ZNF45: variants seen among roughly 807,000 people sequenced by gnomAD.
ZNF45 encodes zinc finger protein 45.
ZNF45 carries 4 observed loss-of-function variants against 12.0 expected under a neutral mutation model. That is an observed-to-expected ratio of 0.33 (90% CI 0.16 to 0.76). The LOEUF (loss-of-function observed/expected upper bound fraction) is 0.76. Ranked by LOEUF, ZNF45 falls within the 30% of genes least tolerant of loss-of-function variation. The probability of loss-of-function intolerance (pLI) is 0.60; values close to 1 mark genes in which losing one functional copy is unlikely to be tolerated. For synonymous variants in ZNF45, 272 were observed against 279.6 expected (o/e 0.97, Z 0.27); for missense variants, 700 against 813.0 (o/e 0.86, Z 1.69).
rs141989682 is a variant in ZNF45, at chr19:43,918,948, G to T, written c.157C>A (p.Pro53Thr). ...CTCTCTAACTGTGGTAGGCCATCTG[G>T]TGTGGACTGATGCCCTGTGAAAAGG... ...NVVSVGHQSTPDGLPQLEREE... is the reference protein window; with the variant it reads ...NVVSVGHQSTTDGLPQLEREE... Residue 53 changes from proline to threonine, a missense_variant, in exon 9 of 10, where the codon CCA becomes ACA. Pro to Thr is a conservative substitution (Grantham distance 38). Transcript: ENST00000269973. The T allele has an allele frequency of 6.2e-6, 10 of 1,614,032 alleles. No homozygotes were observed. The highest frequency in any genetic ancestry group is 7.6e-6 in the Non-Finnish European group (9 of 1,179,982).
intron 2 of ZNF45, among the ~76,000 whole-genome samples, 158 bp downstream of exon 2, chr19:43,934,268 C>T (rs1974352101): frequency 6.6e-6 from 1 of 152,138 alleles, no homozygotes; most frequent in Admixed American, 6.5e-5. Flanking sequence ...AACACAAGGC[C>T]TTTGTGAAGG....
intron 3 of ZNF45, among the ~76,000 whole-genome samples, chr19:43,929,579 G>A (rs1973960279): frequency 6.6e-6 from 1 of 152,162 alleles, no homozygotes; most frequent in South Asian, 2.1e-4. Flanking sequence ...GTGGTGTGAT[G>A]TACCAGTGGA....
At chr19:43,931,550 T>C (rs1241581120) in intron 3 of ZNF45, among the ~76,000 whole-genome samples, 8 of 131,236 alleles carry the variant, frequency 6.1e-5, no homozygotes, top group Non-Finnish European at 8.5e-5. Flanking sequence ...AAAAAATGTA[T>C]ACATATATAT....
rs561470425 is a variant in ZNF45 at position 43,921,375 on chromosome 19, A to G, written c.15+796T>C. On this transcript the variant is annotated intron_variant, in intron 7 of 9. Coordinates refer to ENST00000269973, the MANE Select transcript of ZNF45 (RefSeq NM_003425.4). The stretch of plus-strand genomic sequence containing the variant: ...TTAAGTACATTATTACTTCAATAAA[A>G]TAAGTTAACATAAGAGTAAAAGAAT... 2.0e-4 allele frequency among the ~76,000 whole-genome samples: 30 copies of G among 152,346 alleles called. 1 individual carries two copies. In the South Asian group the frequency reaches 6.2e-3, roughly 32 times the overall value.
At chr19:43,929,547 A>G (rs1374868547) in intron 3 of ZNF45, among the ~76,000 whole-genome samples, 1 of 152,162 alleles carries the variant, frequency 6.6e-6, no homozygotes, top group African/African-American at 2.4e-5. Context: ...CCTTGCCTGT[A>G]GTGGGCTTCA....
In ZNF45 at chr19:43,914,143, A is replaced by G. The variant is rs1599759776; in HGVS notation, c.1293T>C (p.Phe431=). 1 of 1,613,770 alleles carries G rather than the reference A, an allele frequency of 6.2e-7. No individual in the cohort carries two copies. The highest frequency in any genetic ancestry group is 1.3e-5 in the African/African-American group (1 of 74,858). The change falls in exon 10 of 10, where the codon TTT becomes TTC. Residue 431 remains phenylalanine (F), a synonymous_variant. Transcript: ENST00000269973. ...CTGTATGGACTCTAAAATGAATGTT[A>G]AAATCTGAGCTACGACTGAAGCCCT... ...CGKGFSRSSD[F]NIHFRVHTGE...
intron 7 of ZNF45, among the ~76,000 whole-genome samples, chr19:43,921,869 C>T (rs1301268267): frequency 6.6e-6 from 1 of 152,168 alleles, no homozygotes; most frequent in Non-Finnish European, 1.5e-5. Context: ...GTTATGAATA[C>T]ATCTGAGGAA....
chr19:43,916,189 T>C (rs558705750), intron 9 of ZNF45, among the ~76,000 whole-genome samples: 10 of 152,188 alleles, frequency 6.6e-5, no homozygotes, highest in East Asian at 3.9e-4. Context: ...AAACATGGCT[T>C]GCTGCAGCCT....
intron 9 of ZNF45, among the ~76,000 whole-genome samples, chr19:43,916,591 G>C (rs1972697155): frequency 6.6e-6 from 1 of 152,068 alleles, no homozygotes; most frequent in Non-Finnish European, 1.5e-5. Flanking sequence ...TGCCATCCAT[G>C]AGAACGAGCA....
chr19:43,933,781 T>TTA, intron 2 of ZNF45, among the ~76,000 whole-genome samples: 1 of 152,336 alleles, frequency 6.6e-6, no homozygotes, highest in South Asian at 2.1e-4. Context: ...TATCCTAGTA[T>TTA]TAAGGAAATT....
rs1265583888 is a variant in ZNF45 at position 43,935,196 on chromosome 19, T to A, written c.-1028A>T. On this transcript the variant is annotated 5_prime_UTR_variant, in exon 1 of 10. Transcript: ENST00000269973. The stretch of plus-strand genomic sequence containing the variant: ...GATCCTACGACCAAACCATAAAAGT[T>A]AAAACAGGTCGCGGGGTCCCAGGAC... 6.6e-6 allele frequency: 1 copy of A among 152,182 alleles called. No individual in the cohort carries two copies. The highest frequency in any genetic ancestry group is 1.9e-4 in the East Asian group (1 of 5,188). The allele number at this position is 152,182 out of a possible 1,614,324, so 9.4% of individuals were successfully genotyped here.
Position 43,914,734 on chromosome 19 carries a change from A to C in ZNF45, c.702T>G (p.His234Gln), listed in dbSNP as rs1446386079. ...ASYRSFSQRS[H>Q]LPHHQRVPTG... is the part of the protein sequence containing the mutation. ...TGGGAACTCTCTGATGATGGGGAAG[A>C]TGTGACCTCTGACTAAAACTCCTGT... The change falls in exon 10 of 10, where the codon CAT (histidine) becomes CAG (glutamine). Residue 234 changes from histidine to glutamine, a missense_variant. By Grantham distance (24) the His-to-Gln change is conservative. Coordinates refer to ENST00000269973, the MANE Select transcript of ZNF45 (RefSeq NM_003425.4). 1.2e-6 allele frequency: 2 copies of C among 1,614,174 alleles called. No homozygotes were observed. The highest frequency in any genetic ancestry group is 2.2e-5 in the South Asian group (2 of 91,088).
chr19:43,917,478 A>G (rs1254606828), intron 9 of ZNF45, among the ~76,000 whole-genome samples: 1 of 140,728 alleles, frequency 7.1e-6, no homozygotes, highest in Non-Finnish European at 1.6e-5. Context: ...GCAAGTTTTC[A>G]CTTTTATTTT....
intron 7 of ZNF45, among the ~76,000 whole-genome samples, chr19:43,920,418 T>C (rs894432168): frequency 6.6e-5 from 10 of 150,918 alleles, no homozygotes; most frequent in Non-Finnish European, 1.3e-4. Flanking sequence ...AGTTGTCTGC[T>C]GTGTGGGGGT....
intron 9 of ZNF45, 96 bp from the exon 10 acceptor site, chr19:43,915,296 C>T: frequency 7.8e-7 from 1 of 1,278,510 alleles, no homozygotes; most frequent in Non-Finnish European, 1.0e-6. Flanking sequence ...CCTAAGGCTT[C>T]ATTGAACCAG....
chr19:43,914,833 G>C lies in ZNF45; in HGVS notation c.603C>G (p.Phe201Leu). ...PYKCEKCDNA[F>L]RRFSSLQAHQ... Reference sequence around the variant, plus strand: ...GGGCTTGAAGACTTGAAAACCGACGGAAGGCATTATCACATTTTTCACATT... The same window carrying C: ...GGGCTTGAAGACTTGAAAACCGACGCAAGGCATTATCACATTTTTCACATT... The change falls in exon 10 of 10, where the codon TTC becomes TTG. Residue 201 changes from phenylalanine (F) to leucine (L), a missense_variant. Transcript: ENST00000269973. The C allele has an allele frequency of 4.3e-6, 7 of 1,612,316 alleles. No individual in the cohort carries two copies. The highest frequency in any genetic ancestry group is 5.9e-6 in the Non-Finnish European group (7 of 1,178,532).
chr19:43,914,836 G>A lies in ZNF45; in HGVS notation c.600C>T (p.Ala200=), dbSNP rs541398617. 3 of 1,612,096 alleles carry A rather than the reference G, an allele frequency of 1.9e-6. No individual in the cohort carries two copies. The highest frequency in any genetic ancestry group is 1.7e-5 in the Admixed American group (1 of 59,944). The change falls in exon 10 of 10, where the codon GCC becomes GCT. Residue 200 remains alanine (A), a synonymous_variant. Coordinates refer to ENST00000269973, the MANE Select transcript of ZNF45 (RefSeq NM_003425.4). ...CTTGAAGACTTGAAAACCGACGGAA[G>A]GCATTATCACATTTTTCACATTTGT... ...KPYKCEKCDN[A]FRRFSSLQAH...
At chr19:43,921,158 G>A (rs1267776199) in intron 7 of ZNF45, among the ~76,000 whole-genome samples, 1 of 152,114 alleles carries the variant, frequency 6.6e-6, no homozygotes, top group Non-Finnish European at 1.5e-5. Context: ...TAAAAATCCT[G>A]GAGTCTTTTG....
At chr19:43,918,512 C>T (rs1466571604) in intron 9 of ZNF45, among the ~76,000 whole-genome samples, 5 of 152,118 alleles carry the variant, frequency 3.3e-5, no homozygotes, top group Non-Finnish European at 5.9e-5. Flanking sequence ...CCTGTAAGGA[C>T]GCAGCAAAGA....
Sources: allele counts gnomAD v4.1 joint callset (sites outside exome capture counted in the v4.1 genomes callset), GRCh38; gene constraint gnomAD v4.1.1; transcripts MANE v1.5; gene names NCBI Gene and HGNC (gene_info 2026-07-23, HGNC 2026-07-21).